Variants in CHIC1 observed in about 807,000 individuals in gnomAD.
CHIC1 encodes cysteine rich hydrophobic domain 1.
A neutral mutation model predicts 18.5 loss-of-function variants in CHIC1; 7 were observed. The ratio of observed to expected loss-of-function variants is 0.38; its 90% CI spans 0.22 to 0.71. The LOEUF is 0.71. CHIC1 is among the 30% of genes least tolerant of loss of function. The pLI is 0.49. For missense variants in CHIC1, 159 were observed against 176.9 expected (o/e 0.90, Z 0.57); for synonymous variants, 77 against 73.5 (o/e 1.05, Z -0.25).
chrX:73,670,621 T>A (rs898277030), intron 3 of CHIC1, among the ~76,000 whole-genome samples: 1 of 111,325 alleles, frequency 9.0e-6, no homozygotes, highest in African/African-American at 3.3e-5. Context: ...TATCTCATAT[T>A]CTTTCTTTCA....
chrX:73,608,078 T>C (rs1341506091), intron 3 of CHIC1, among the ~76,000 whole-genome samples: 2 of 109,480 alleles, frequency 1.8e-5, no homozygotes, highest in Admixed American at 1.9e-4. Flanking sequence ...TGAGTTAATT[T>C]TTATCTATGT....
chrX:73,582,452 A>G, intron 2 of CHIC1, among the ~76,000 whole-genome samples: 1 of 109,319 alleles, frequency 9.1e-6, no homozygotes, highest in Admixed American at 9.7e-5. Flanking sequence ...GTTTTTAGAA[A>G]GAAGAGCTTG....
intron 1 of CHIC1, among the ~76,000 whole-genome samples, chrX:73,569,056 G>C (rs2057457770): frequency 9.0e-6 from 1 of 111,578 alleles, no homozygotes; most frequent in Non-Finnish European, 1.9e-5. Flanking sequence ...ATATTAAAGA[G>C]ATTTAACTAG....
chrX:73,631,320 T>C (rs971822479), intron 3 of CHIC1, among the ~76,000 whole-genome samples: 2 of 111,440 alleles, frequency 1.8e-5, no homozygotes, highest in African/African-American at 3.3e-5. Flanking sequence ...TGCTATTTAC[T>C]TGAGGTGTAA....
chrX:73,564,255 T>A lies in CHIC1; in HGVS notation c.296+675T>A, dbSNP rs750707408. 1.3e-4 allele frequency among the ~76,000 whole-genome samples: 14 copies of A among 111,669 alleles called. No homozygotes were observed. In the Admixed American group the frequency reaches 1.3e-3, roughly 11 times the overall value. Reference sequence around the variant, plus strand: ...TCATTTCTGCGCCTTGATTTCTTCATCTCTAAAATGAAGGGTTTGGAGTAG... The same window carrying A: ...TCATTTCTGCGCCTTGATTTCTTCAACTCTAAAATGAAGGGTTTGGAGTAG... On this transcript the variant is annotated intron_variant, in intron 1 of 5. Transcript: ENST00000373502.
intron 3 of CHIC1, among the ~76,000 whole-genome samples, chrX:73,601,124 C>G (rs1275681114): frequency 2.8e-5 from 3 of 106,177 alleles, no homozygotes; most frequent in Non-Finnish European, 5.7e-5. Context: ...GACTTTAACA[C>G]CCCACTGTCA....
At chrX:73,572,328 G>A (rs1355682404) in intron 1 of CHIC1, among the ~76,000 whole-genome samples, 1 of 111,034 alleles carries the variant, frequency 9.0e-6, no homozygotes, top group Non-Finnish European at 1.9e-5. Flanking sequence ...ATTCCATGGT[G>A]TATATGTTCC....
At chrX:73,618,865 C>G (rs1380493730) in intron 3 of CHIC1, among the ~76,000 whole-genome samples, 1 of 112,547 alleles carries the variant, frequency 8.9e-6, no homozygotes, top group African/African-American at 3.2e-5. Flanking sequence ...TAGAAGTTTT[C>G]TTCTTCCTCT....
chrX:73,651,933 C>T (rs186735905), intron 3 of CHIC1, among the ~76,000 whole-genome samples: 1 of 111,965 alleles, frequency 8.9e-6, no homozygotes, highest in Non-Finnish European at 1.9e-5. Flanking sequence ...ATAGCCAAGA[C>T]AGTTCTAAGC....
intron 3 of CHIC1, among the ~76,000 whole-genome samples, chrX:73,666,232 T>A (rs1009800986): frequency 9.0e-6 from 1 of 111,473 alleles, no homozygotes; most frequent in Non-Finnish European, 1.9e-5. Context: ...TACCCAAGAG[T>A]CATTTAGGAG....
chrX:73,645,330 C>T (rs1332860865), intron 3 of CHIC1, among the ~76,000 whole-genome samples: 2 of 112,073 alleles, frequency 1.8e-5, no homozygotes, highest in African/African-American at 6.5e-5. Flanking sequence ...ACTTAGGTAT[C>T]TCTCTATCTT....
intron 3 of CHIC1, among the ~76,000 whole-genome samples, chrX:73,663,653 A>G (rs1278691731): frequency 9.0e-6 from 1 of 110,780 alleles, no homozygotes; most frequent in Non-Finnish European, 1.9e-5. Context: ...CCTGTGTCCA[A>G]TAAGCCAGAA....
intron 3 of CHIC1, among the ~76,000 whole-genome samples, chrX:73,662,874 G>T (rs1377585707): frequency 9.0e-6 from 1 of 111,418 alleles, no homozygotes. Context: ...GAATAATTGT[G>T]CAATTAGGAA....
intron 3 of CHIC1, among the ~76,000 whole-genome samples, chrX:73,674,235 A>T (rs1438148226): frequency 9.0e-6 from 1 of 111,694 alleles, no homozygotes; most frequent in Admixed American, 9.5e-5. Flanking sequence ...TATCAGGATG[A>T]TGCTGGCCTC....
intron 3 of CHIC1, among the ~76,000 whole-genome samples, chrX:73,601,512 C>G (rs1378245504): frequency 3.8e-5 from 4 of 106,286 alleles, no homozygotes; most frequent in African/African-American, 1.5e-4. Context: ...TTGAAACCAA[C>G]GAGAACAAAG....
rs375295743 is a variant in CHIC1, at chrX:73,604,301, G to A, written c.507+19729G>A. Among the ~76,000 whole-genome samples the A allele has an allele frequency of 6.9e-4, 73 of 105,072 alleles. 4 individuals are homozygous for A. Among genetic ancestry groups the A allele is most frequent in the African/African-American group, 2.7e-3 (71 of 26,663 alleles). The allele number at this position is 105,072 out of a possible 115,157, so 91.2% of individuals were successfully genotyped here. On this transcript the variant is annotated intron_variant, in intron 3 of 5. Transcript: ENST00000373502. ...GATTTTCTAGTTTATTTGCATAGAG[G>A]TGTTTATAGTATTCTCTGATGGTAG...
chrX:73,585,684 C>G (rs764210977), intron 3 of CHIC1, among the ~76,000 whole-genome samples: 4 of 111,462 alleles, frequency 3.6e-5, no homozygotes, highest in Non-Finnish European at 7.6e-5. Flanking sequence ...TACAGCTAAT[C>G]TCAGTTACTT....
At chrX:73,582,628 G>A (rs768482011) in intron 2 of CHIC1, among the ~76,000 whole-genome samples, 2 of 110,557 alleles carry the variant, frequency 1.8e-5, no homozygotes, top group African/African-American at 6.5e-5. Flanking sequence ...GAGACTTCAT[G>A]CAGAAGAGAG....
At chrX:73,667,671 A>G (rs1420307689) in intron 3 of CHIC1, among the ~76,000 whole-genome samples, 1 of 111,355 alleles carries the variant, frequency 9.0e-6, no homozygotes, top group Non-Finnish European at 1.9e-5. Context: ...AATGTTGAAT[A>G]TTGGCCCCTG....
Sources: gnomAD v4.1 joint callset for allele counts (sites outside exome capture counted in the v4.1 genomes callset) on GRCh38, gnomAD v4.1.1 for gene constraint, MANE v1.5 for transcripts, NCBI Gene and HGNC (gene_info 2026-07-23, HGNC 2026-07-21) for gene names.